Variants in ARHGEF33 observed in about 807,000 individuals in gnomAD.
ARHGEF33 encodes the protein Rho guanine nucleotide exchange factor 33.
In ARHGEF33, 72 loss-of-function variants were observed where a neutral mutation model predicts 101.9. The observed-to-expected ratio is 0.71, with a 90% confidence interval of 0.58 to 0.86. The LOEUF is 0.86. ARHGEF33 is among the 40% of genes least tolerant of loss of function. ARHGEF33 has a pLI of 0.00. For missense variants in ARHGEF33, 1,169 were observed against 1,111.3 expected (o/e 1.05, Z -0.74); for synonymous variants, 499 against 442.5 (o/e 1.13, Z -1.60).
chr2:38,937,997 A>C (rs946302019), intron 9 of ARHGEF33, among the ~76,000 whole-genome samples: 1 of 152,170 alleles, frequency 6.6e-6, no homozygotes, highest in African/African-American at 2.4e-5. Context: ...TTACTGTGTC[A>C]GACAATGGCA....
intron 4 of ARHGEF33, among the ~76,000 whole-genome samples, chr2:38,925,391 C>T (rs1572751130): frequency 6.6e-6 from 1 of 152,138 alleles, no homozygotes; most frequent in East Asian, 1.9e-4. Context: ...CTGATTGAGA[C>T]TAAGTCTCTT....
In ARHGEF33 at chr2:38,960,658, A is replaced by T; in HGVS notation, c.2343+10A>T. ...TTTGGAAGTAAGGAGGGTAAAGTAA[A>T]ACCGAACCGAAACCCACAGCGTCGA... On this transcript the variant is annotated intron_variant, in intron 16 of 17. Coordinates refer to ENST00000409978, the MANE Select transcript of ARHGEF33 (RefSeq NM_001145451.5). 7.1e-7 allele frequency: 1 copy of T among 1,400,632 alleles called. No individual in the cohort carries two copies. The highest frequency in any genetic ancestry group is 1.3e-5 in the South Asian group (1 of 76,774). 86.8% of individuals were successfully genotyped at this position (1,400,632 alleles called of 1,614,324 possible).
chr2:38,923,893 A>G (rs1666812725), intron 4 of ARHGEF33, among the ~76,000 whole-genome samples: 1 of 152,230 alleles, frequency 6.6e-6, no homozygotes, highest in Non-Finnish European at 1.5e-5. Flanking sequence ...TTGTCTCCAA[A>G]TGTGAAATGT....
chr2:38,936,569 G>A (rs1243464561), intron 8 of ARHGEF33, among the ~76,000 whole-genome samples: 1 of 152,218 alleles, frequency 6.6e-6, no homozygotes, highest in Non-Finnish European at 1.5e-5. Context: ...CATAGAGGAT[G>A]TATAGACCAG....
intron 4 of ARHGEF33, among the ~76,000 whole-genome samples, chr2:38,928,628 T>C (rs940540630): frequency 1.3e-5 from 2 of 152,244 alleles, no homozygotes; most frequent in African/African-American, 4.8e-5. Context: ...GGTGTTAGAA[T>C]AAATCGAAGC....
In ARHGEF33 at chr2:38,943,954, A is replaced by C; in HGVS notation, c.844A>C (p.Ile282Leu). 1.3e-6 allele frequency: 2 copies of C among 1,551,822 alleles called. No homozygotes were observed. The highest frequency in any genetic ancestry group is 1.7e-6 in the Non-Finnish European group (2 of 1,146,960). ...GCTTGAATCTGAAAGAAAATATGTCATTAACATCTCTCTGATCTTGAAGAT... is the reference window on the plus strand; with the variant it reads ...GCTTGAATCTGAAAGAAAATATGTCCTTAACATCTCTCTGATCTTGAAGAT... ...ELLESERKYV[I>L]NISLILKIKA... Residue 282 changes from isoleucine to leucine, a missense_variant, in exon 10 of 18, where the codon ATT (isoleucine) becomes CTT (leucine). Physicochemically the swap from Ile to Leu is conservative, Grantham distance 5. Transcript: ENST00000409978.
At chr2:38,911,970 G>A (rs907263701) in intron 2 of ARHGEF33, among the ~76,000 whole-genome samples, 1 of 152,184 alleles carries the variant, frequency 6.6e-6, no homozygotes, top group African/African-American at 2.4e-5. Context: ...GGGTAAAAAG[G>A]GGGACCCAGA....
intron 2 of ARHGEF33, among the ~76,000 whole-genome samples, chr2:38,916,648 C>T (rs908135855): frequency 1.3e-5 from 2 of 152,096 alleles, no homozygotes; most frequent in Non-Finnish European, 2.9e-5. Context: ...CTTTATATTC[C>T]TCATTTATAA....
At chr2:38,912,509 C>T (rs914421115) in intron 2 of ARHGEF33, among the ~76,000 whole-genome samples, 6 of 152,082 alleles carry the variant, frequency 3.9e-5, no homozygotes, top group Admixed American at 6.6e-5. Flanking sequence ...CAGTCATTCT[C>T]GTCAACCTAG....
chr2:38,907,615 T>C (rs1033819100), intron 2 of ARHGEF33, among the ~76,000 whole-genome samples: 7 of 152,308 alleles, frequency 4.6e-5, no homozygotes, highest in Admixed American at 3.9e-4. Flanking sequence ...CTAAAGTTTT[T>C]CCATGTTAAT....
intron 16 of ARHGEF33, among the ~76,000 whole-genome samples, chr2:38,965,294 A>C (rs1668029145): frequency 6.6e-6 from 1 of 152,268 alleles, no homozygotes; most frequent in African/African-American, 2.4e-5. Flanking sequence ...GCTTGTATGC[A>C]TATAAATATA....
chr2:38,969,314 C>T (rs541479487), intron 17 of ARHGEF33: 3 of 167,408 alleles, frequency 1.8e-5, no homozygotes, highest in South Asian at 2.1e-4. Flanking sequence ...AGCAAAGCCA[C>T]TTGTGTCATG....
chr2:38,934,439 C>T (rs1293926836), intron 7 of ARHGEF33, among the ~76,000 whole-genome samples: 1 of 128,984 alleles, frequency 7.8e-6, no homozygotes, highest in Non-Finnish European at 1.6e-5. Context: ...TCCATCCCTC[C>T]CCCTTCTATC....
At chr2:38,950,006 T>C (rs769581507) in intron 10 of ARHGEF33, among the ~76,000 whole-genome samples, 1 of 152,172 alleles carries the variant, frequency 6.6e-6, no homozygotes, top group Non-Finnish European at 1.5e-5. Flanking sequence ...TTCACCCTCA[T>C]GATACAATCA....
rs1481926779 is a variant in ARHGEF33, at chr2:38,951,068, T to C, written c.1000T>C (p.Trp334Arg). 13 of 1,552,018 alleles carry C rather than the reference T, an allele frequency of 8.4e-6. No individual in the cohort carries two copies. Among genetic ancestry groups the C allele is most frequent in the Admixed American group, 2.0e-5 (1 of 51,004 alleles). ...LHALQERVLK[W>R]PRQGVLGDLF... ...CGCACTGCAGGAAAGGGTCCTGAAG[T>C]GGCCACGCCAAGGCGTTCTTGGAGA... The change falls in exon 11 of 18, where the codon TGG becomes CGG. Residue 334 changes from tryptophan (W) to arginine (R), a missense_variant. By Grantham distance (101) the Trp-to-Arg change is moderately radical. Transcript: ENST00000409978.
chr2:38,937,570 AG>A lies in ARHGEF33; in HGVS notation c.790+16del. The A allele has an allele frequency of 2.8e-6, 4 of 1,417,268 alleles. No homozygotes were observed. Among genetic ancestry groups the A allele is most frequent in the African/African-American group, 1.4e-5 (1 of 70,518 alleles). 87.8% of individuals were successfully genotyped at this position (1,417,268 alleles called of 1,614,324 possible). ...AAACCTCCTTAGCTGGTAAGTTCCA[AG>A]GGGGAATGCAGGCTAATAGTTTAAA... On this transcript the variant is annotated intron_variant, in intron 9 of 17. Transcript: ENST00000409978.
intron 2 of ARHGEF33, among the ~76,000 whole-genome samples, chr2:38,908,567 G>T: frequency 6.6e-6 from 1 of 152,146 alleles, no homozygotes; most frequent in East Asian, 1.9e-4. Context: ...ACTGATCTTA[G>T]GTGAACAACA....
chr2:38,942,334 C>G (rs2124400232), intron 9 of ARHGEF33, among the ~76,000 whole-genome samples: 1 of 151,580 alleles, frequency 6.6e-6, no homozygotes, highest in African/African-American at 2.4e-5. Context: ...GCCCAGCTAA[C>G]TTTTGTATTT....
rs186560635 is a variant in ARHGEF33 at position 38,953,311 on chromosome 2, A to C, written c.1137+66A>C. 5.0e-3 allele frequency: 4,762 copies of C among 953,254 alleles called. 17 individuals are homozygous for C. The highest frequency in any genetic ancestry group is 7.0e-3 in the Non-Finnish European group (4,177 of 600,234). The allele number at this position is 953,254 out of a possible 1,614,324, so 59.0% of individuals were successfully genotyped here. A position where few individuals can be genotyped will look rare whatever the true frequency, so the allele number is the denominator to read the frequency against. ...TGGCATCATATGATGTTGCTCATCC[A>C]CCCAGTCAATACAGCGCATGCACTG... On this transcript the variant is annotated intron_variant, in intron 12 of 17. Coordinates refer to ENST00000409978, the MANE Select transcript of ARHGEF33 (RefSeq NM_001145451.5).
Sources: allele counts gnomAD v4.1 joint callset (sites outside exome capture counted in the v4.1 genomes callset), GRCh38; gene constraint gnomAD v4.1.1; transcripts MANE v1.5; gene names NCBI Gene and HGNC (gene_info 2026-07-23, HGNC 2026-07-21).